The following ITGA9 variants were observed in gnomAD, a reference collection of about 807,000 sequenced individuals.
The protein encoded by ITGA9 is integrin alpha-9.
ITGA9 carries 56 observed loss-of-function variants against 127.8 expected under a neutral mutation model. The ratio of observed to expected loss-of-function variants is 0.44; its 90% CI spans 0.35 to 0.55. The LOEUF is 0.55. Ranked by LOEUF, ITGA9 falls within the 20% of genes least tolerant of loss-of-function variation. The pLI is 0.00. For synonymous variants in ITGA9, 508 were observed against 514.5 expected, an observed-to-expected ratio of 0.99 and a Z score of 0.17; for missense variants, 1,196 against 1,347.1, an observed-to-expected ratio of 0.89 and a Z score of 1.76.
chr3:37,713,804 T>C lies in ITGA9; in HGVS notation c.2068-18908T>C, dbSNP rs144593168. ...CCCTAAAGGCCCGGGCTGCTCTGCT[T>C]ACAGCCACACGGCTGTTTCTGAGCT... On this transcript the variant is annotated intron_variant, in intron 18 of 27. Coordinates refer to ENST00000264741, the MANE Select transcript of ITGA9 (RefSeq NM_002207.3). Among the ~76,000 whole-genome samples the C allele has an allele frequency of 1.0e-3, 152 of 152,360 alleles. 3 individuals are homozygous for C. In the East Asian group the frequency reaches 0.027, roughly 27 times the overall value.
chr3:37,589,057 T>C (rs2125614049), intron 15 of ITGA9, among the ~76,000 whole-genome samples: 1 of 152,324 alleles, frequency 6.6e-6, no homozygotes, highest in African/African-American at 2.4e-5. Flanking sequence ...ACTGACCAGC[T>C]TGGTGATTTT....
intron 19 of ITGA9, chr3:37,733,100 AT>A (rs1696317122): frequency 2.5e-6 from 1 of 397,914 alleles, no homozygotes; most frequent in South Asian, 2.2e-5. Context: ...CCTTCCTAAA[AT>A]AATTTTTTTT....
chr3:37,653,902 G>A, intron 17 of ITGA9, 112 bp downstream of exon 17: 1 of 770,736 alleles, frequency 1.3e-6, no homozygotes, highest in Non-Finnish European at 2.3e-6. Context: ...AGAGTTGATG[G>A]GTTACAGTAA....
chr3:37,522,715 T>G (rs1264428841), intron 11 of ITGA9, among the ~76,000 whole-genome samples: 2 of 138,918 alleles, frequency 1.4e-5, no homozygotes, highest in Non-Finnish European at 3.1e-5. Context: ...AGAGCAAGAC[T>G]CTATCTCTTA....
At chr3:37,771,770 C>T (rs1696846526) in intron 23 of ITGA9, among the ~76,000 whole-genome samples, 1 of 152,178 alleles carries the variant, frequency 6.6e-6, no homozygotes, top group Non-Finnish European at 1.5e-5. Flanking sequence ...TCTCAGTCAG[C>T]AGGCACTTTT....
intron 15 of ITGA9, among the ~76,000 whole-genome samples, chr3:37,558,732 C>T (rs145066698): frequency 1.8e-4 from 28 of 152,326 alleles, no homozygotes; most frequent in East Asian, 3.9e-4. Flanking sequence ...CTGGGGCATC[C>T]GTTCTGAATA....
At chr3:37,532,391 G>T (rs1699160866) in intron 13 of ITGA9, among the ~76,000 whole-genome samples, 1 of 152,182 alleles carries the variant, frequency 6.6e-6, no homozygotes, top group Non-Finnish European at 1.5e-5. Context: ...TCTCTTTGAG[G>T]GATCATTGTA....
At chr3:37,508,036 C>A (rs559162905) in intron 7 of ITGA9, among the ~76,000 whole-genome samples, 10 of 152,312 alleles carry the variant, frequency 6.6e-5, no homozygotes, top group Non-Finnish European at 1.0e-4. Flanking sequence ...CCACATTTCC[C>A]AAATGAAACT....
chr3:37,574,814 G>A (rs369791249), intron 15 of ITGA9, among the ~76,000 whole-genome samples: 84 of 152,256 alleles, frequency 5.5e-4, no homozygotes, highest in African/African-American at 1.9e-3. Flanking sequence ...GGGTGGTGAA[G>A]GTCTGAGGTC....
At chr3:37,550,539 G>T (rs1450785607) in intron 15 of ITGA9, among the ~76,000 whole-genome samples, 1 of 152,158 alleles carries the variant, frequency 6.6e-6, no homozygotes, top group Non-Finnish European at 1.5e-5. Flanking sequence ...CTGATTTCAA[G>T]CTACCAATGA....
chr3:37,712,642 C>G (rs1016727501), intron 18 of ITGA9, among the ~76,000 whole-genome samples: 1 of 152,234 alleles, frequency 6.6e-6, no homozygotes, highest in East Asian at 1.9e-4. Context: ...CTGTCAGCTT[C>G]TCTTCCTCCT....
intron 16 of ITGA9, among the ~76,000 whole-genome samples, chr3:37,648,233 T>A (rs113758964): frequency 4.3e-4 from 66 of 152,246 alleles, no homozygotes; most frequent in African/African-American, 1.5e-3. Context: ...TGTTGTGAGG[T>A]GATATTTCAT....
At chr3:37,782,687 G>A (rs560711542) in intron 25 of ITGA9, among the ~76,000 whole-genome samples, 48 of 152,346 alleles carry the variant, frequency 3.2e-4, no homozygotes, top group Middle Eastern at 6.8e-3. Context: ...CAGGCCTCCC[G>A]AAGGATGTGG....
chr3:37,642,040 T>G (rs1264166586), intron 16 of ITGA9, among the ~76,000 whole-genome samples: 3 of 152,112 alleles, frequency 2.0e-5, no homozygotes, highest in Non-Finnish European at 4.4e-5. Context: ...CAGGCTCAAG[T>G]GATCCTCCCA....
At chr3:37,771,106 T>C (rs1434878926) in intron 23 of ITGA9, among the ~76,000 whole-genome samples, 1 of 152,116 alleles carries the variant, frequency 6.6e-6, no homozygotes, top group Non-Finnish European at 1.5e-5. Flanking sequence ...TAAGCAGCCA[T>C]GTCATGAGAA....
At chr3:37,663,776 C>G (rs1464740588) in intron 17 of ITGA9, among the ~76,000 whole-genome samples, 1 of 152,208 alleles carries the variant, frequency 6.6e-6, no homozygotes, top group East Asian at 1.9e-4. Flanking sequence ...CATAAAAGCA[C>G]TGAAGTATCT....
At chr3:37,641,243 G>A (rs1210250748) in intron 16 of ITGA9, among the ~76,000 whole-genome samples, 1 of 152,146 alleles carries the variant, frequency 6.6e-6, no homozygotes, top group Non-Finnish European at 1.5e-5. Flanking sequence ...GATTCTCACA[G>A]GAACATGAAC....
At chr3:37,499,629 A>G (rs1698768096) in intron 5 of ITGA9, among the ~76,000 whole-genome samples, 1 of 152,204 alleles carries the variant, frequency 6.6e-6, no homozygotes, top group South Asian at 2.1e-4. Flanking sequence ...CATAGGGAAC[A>G]GAAAAAACAA....
Position 37,779,975 on chromosome 3 carries a change from G to A in ITGA9, c.2741G>A (p.Arg914His), listed in dbSNP as rs75329080. The A allele has an allele frequency of 4.6e-4, 739 of 1,613,936 alleles. 3 individuals are homozygous for A. The East Asian group carries it at 0.011, about 24-fold the overall frequency. ...AGTGCTCTTGCTAAAGAAGAAAGTC[G>A]TACTATAGACATTTACATGCTGCTG... ...NFSALAKEES[R>H]TIDIYMLLNT... Residue 914 changes from arginine (R) to histidine (H), a missense_variant, in exon 25 of 28, where the codon CGT (arginine) becomes CAT (histidine). By Grantham distance (29) the Arg-to-His change is conservative. Transcript: ENST00000264741.
Sources: allele counts gnomAD v4.1 joint callset (sites outside exome capture counted in the v4.1 genomes callset), GRCh38; gene constraint gnomAD v4.1.1; transcripts MANE v1.5; gene names NCBI Gene and HGNC (gene_info 2026-07-23, HGNC 2026-07-21).